ABR: variants seen among roughly 807,000 people sequenced by gnomAD.
ABR encodes the protein active breakpoint cluster region-related protein.
In ABR, 35 loss-of-function variants were observed where a neutral mutation model predicts 107.2. The ratio of observed to expected loss-of-function variants is 0.33; its 90% CI spans 0.25 to 0.43. The LOEUF is 0.43. Ranked by LOEUF, ABR falls within the 20% of genes least tolerant of loss-of-function variation. ABR has a pLI of 1.00. For missense variants in ABR, 815 were observed against 1,115.2 expected, an observed-to-expected ratio of 0.73 and a Z score of 3.83; for synonymous variants, 498 against 462.0, an observed-to-expected ratio of 1.08 and a Z score of -1.00.
At chr17:1,136,977 C>G (rs1198097337) in intron 1 of ABR, among the ~76,000 whole-genome samples, 2 of 148,882 alleles carry the variant, frequency 1.3e-5, no homozygotes, top group Non-Finnish European at 3.0e-5. Flanking sequence ...TGGCTTTCAA[C>G]AAGCCTTCCT....
chr17:1,057,083 C>A lies in ABR; in HGVS notation c.1401G>T (p.Leu467=). 6.2e-7 allele frequency: 1 copy of A among 1,611,996 alleles called. No homozygotes were observed. The highest frequency in any genetic ancestry group is 1.1e-5 in the South Asian group (1 of 90,928). The change falls in exon 13 of 23, where the codon CTG becomes CTT. Residue 467 remains leucine, a synonymous_variant. Transcript: ENST00000302538. ...TGAGCACCTGGAGCTCCACTGAGCT[C>A]AGGACAAAGGCCTGGAGATCTGGAG... ...LQKKDLQAFV[L]SSVELQVLTG...
chr17:1,113,204 A>AG (rs1567780140), intron 2 of ABR, among the ~76,000 whole-genome samples: 1 of 138,490 alleles, frequency 7.2e-6, no homozygotes, highest in Non-Finnish European at 1.5e-5. Flanking sequence ...CGTACTGGGG[A>AG]GGGGAGCAGT....
chr17:1,111,246 G>C (rs2038659131), intron 2 of ABR, among the ~76,000 whole-genome samples: 1 of 152,188 alleles, frequency 6.6e-6, no homozygotes, highest in South Asian at 2.1e-4. Flanking sequence ...TGGTGAGACT[G>C]ACGCCCACTT....
At chr17:1,177,691 G>A (rs1307032175) in intron 1 of ABR, among the ~76,000 whole-genome samples, 1 of 152,136 alleles carries the variant, frequency 6.6e-6, no homozygotes, top group East Asian at 1.9e-4. Context: ...GGGAAATAGG[G>A]AAACAAGAAC....
chr17:1,072,188 C>A (rs1050581403), intron 8 of ABR, among the ~76,000 whole-genome samples: 2 of 152,230 alleles, frequency 1.3e-5, no homozygotes, highest in African/African-American at 2.4e-5. Context: ...CAGGTGTGAG[C>A]CACCGTGCCC....
rs572325194 is a variant in ABR, at chr17:1,089,651, C to G, written c.531+2014G>C. Reference sequence around the variant, plus strand: ...TCAAGCAGTGACCACTGGGCTGGTTCTGGGAGTCTAAGAAGAAGGAAATGC... The same window carrying G: ...TCAAGCAGTGACCACTGGGCTGGTTGTGGGAGTCTAAGAAGAAGGAAATGC... On this transcript the variant is annotated intron_variant, in intron 4 of 22. Transcript: ENST00000302538. 5.9e-5 allele frequency among the ~76,000 whole-genome samples: 9 copies of G among 152,310 alleles called. No homozygotes were observed. In the South Asian group the frequency reaches 1.7e-3, roughly 28 times the overall value.
At chr17:1,024,049 A>AG (rs2071965292) in intron 16 of ABR, among the ~76,000 whole-genome samples, 114 of 140,568 alleles carry the variant, frequency 8.1e-4, no homozygotes, top group African/African-American at 3.0e-3. Flanking sequence ...AAAAAAAAAA[A>AG]GCAGCATCAA....
At chr17:1,220,428 G>A (rs73281104) in intron 1 of ABR, among the ~76,000 whole-genome samples, 9 of 152,258 alleles carry the variant, frequency 5.9e-5, no homozygotes, top group Admixed American at 3.3e-4. Context: ...GAACAGGATC[G>A]CTGCGGAAAG....
exon 1 of ABR, among the ~76,000 whole-genome samples, chr17:1,229,538 C>T (rs1048426642): frequency 3.3e-5 from 5 of 152,054 alleles, no homozygotes; most frequent in African/African-American, 1.2e-4. Context: ...GCTCCCGCTC[C>T]GCGTCCCGCA....
chr17:1,178,063 G>C (rs908542416), intron 1 of ABR: 5 of 152,454 alleles, frequency 3.3e-5, no homozygotes, highest in Admixed American at 1.3e-4. Flanking sequence ...ACAGCTCCTG[G>C]GGGGAGGAGA....
chr17:1,186,412 C>G (rs1055550805), intron 1 of ABR, among the ~76,000 whole-genome samples: 3 of 152,238 alleles, frequency 2.0e-5, no homozygotes, highest in African/African-American at 7.2e-5. Flanking sequence ...GCTGCCCTGG[C>G]AAGATGTGGA....
At position 1,081,887 on chromosome 17, in the gene ABR, C is replaced by T. The variant is rs1464783097; in HGVS notation, c.639+1633G>A. Among the ~76,000 whole-genome samples, 5 of 152,152 alleles carry T rather than the reference C, an allele frequency of 3.3e-5. No homozygotes were observed. The East Asian group carries it at 5.8e-4, about 18-fold the overall frequency. ...CCGCCACGCCCGGCTTCTATAGGTA[C>T]GTTTCATTCCAGAGGCGAAGTGTCA... On this transcript the variant is annotated intron_variant, in intron 5 of 22. Transcript: ENST00000302538.
chr17:1,205,391 A>G (rs1380924855), intron 1 of ABR, among the ~76,000 whole-genome samples: 1 of 152,222 alleles, frequency 6.6e-6, no homozygotes, highest in Non-Finnish European at 1.5e-5. Flanking sequence ...AGGCCTGAGA[A>G]TGTATCATCT....
Position 1,069,979 on chromosome 17 carries a change from T to A in ABR, c.1006A>T (p.Thr336Ser). The part of the protein sequence containing the change: ...DVLLCAKLKK[T>S]SAGKHQQYDC... ...GACTCACACACTCACCCTGCAGAGGTCTTCTTCAGCTTGGCACACAGTAGG... is the reference window on the plus strand; with the variant it reads ...GACTCACACACTCACCCTGCAGAGGACTTCTTCAGCTTGGCACACAGTAGG... Residue 336 changes from threonine (T) to serine (S), a missense_variant, in exon 9 of 23, where the codon ACC becomes TCC. Thr to Ser is a moderately conservative substitution (Grantham distance 58). This residue lies in a region of ABR where 385 missense variants were observed against 596.9 expected (regional missense o/e 0.64). Transcript: ENST00000302538. 6.5e-7 allele frequency: 1 copy of A among 1,538,280 alleles called. No individual in the cohort carries two copies. The highest frequency in any genetic ancestry group is 8.8e-7 in the Non-Finnish European group (1 of 1,136,134).
intron 2 of ABR, among the ~76,000 whole-genome samples, chr17:1,117,590 A>G (rs1198565461): frequency 0.11 from 289 of 2,712 alleles, 130 homozygotes; most frequent in Non-Finnish European, 0.17. Context: ...TCCTCCCAGC[A>G]TTATCCCTGA....
intron 16 of ABR, among the ~76,000 whole-genome samples, chr17:1,021,325 C>G (rs35283857): frequency 0.058 from 8,904 of 152,232 alleles, 332 homozygotes; most frequent in South Asian, 0.12. Flanking sequence ...GGAGCCCACT[C>G]GGTCACTCCC....
At chr17:1,006,758 G>A (rs2241930) in intron 22 of ABR, among the ~76,000 whole-genome samples, 48,368 of 135,054 alleles carry the variant, frequency 0.36, 7,128 homozygotes, top group Non-Finnish European at 0.42. Flanking sequence ...CCACGGGCCC[G>A]GGCGGTGCCA....
rs544399540 is a variant in ABR, at chr17:1,027,802, A to G, written c.1792-14638T>C. ...TGAAGCTTTCTTCCCACCGGGAAACAAGGAAGGGCGGTGGGCAGCCGGGCC... is the reference window on the plus strand; with the variant it reads ...TGAAGCTTTCTTCCCACCGGGAAACGAGGAAGGGCGGTGGGCAGCCGGGCC... On this transcript the variant is annotated intron_variant, in intron 16 of 22. Transcript: ENST00000302538. This position sits in a 1 kb window ranked among gnomAD's most constrained non-coding sequence, Gnocchi z 4.7. Among the ~76,000 whole-genome samples the G allele has an allele frequency of 5.3e-5, 8 of 151,942 alleles. No homozygotes were observed. The highest frequency in any genetic ancestry group is 1.9e-4 in the African/African-American group (8 of 41,462).
intron 16 of ABR, among the ~76,000 whole-genome samples, chr17:1,014,662 C>G (rs2070994342): frequency 6.6e-6 from 1 of 151,084 alleles, no homozygotes; most frequent in South Asian, 2.1e-4. Context: ...CACGGTGAAA[C>G]CCCGTCTCTA....
Sources: allele counts gnomAD v4.1 joint callset (sites outside exome capture counted in the v4.1 genomes callset), GRCh38; gene constraint gnomAD v4.1.1; regional missense constraint gnomAD v4.1.1; non-coding constraint Gnocchi (gnomAD v3.1); transcripts MANE v1.5; gene names NCBI Gene and HGNC (gene_info 2026-07-23, HGNC 2026-07-21).